KIFAP3: variants seen among roughly 807,000 people sequenced by gnomAD.
KIFAP3 encodes the protein kinesin associated protein 3.
Under a neutral mutation model 106.5 loss-of-function variants are expected in KIFAP3, and 68 were observed. That is an observed-to-expected ratio of 0.64 (90% CI 0.53 to 0.78). The LOEUF is 0.78. Among genes scored for constraint, KIFAP3 ranks in the 30% least tolerant of loss-of-function variants. The pLI is 0.00. For synonymous variants in KIFAP3, 320 were observed against 311.5 expected, an observed-to-expected ratio of 1.03 and a Z score of -0.29; for missense variants, 780 against 941.8, an observed-to-expected ratio of 0.83 and a Z score of 2.25.
At position 169,982,930 on chromosome 1, in the gene KIFAP3, G is replaced by T. The variant is rs1049100975; in HGVS notation, c.1507-63C>A. On this transcript the variant is annotated intron_variant, in intron 13 of 19. Coordinates refer to ENST00000361580, the MANE Select transcript of KIFAP3 (RefSeq NM_014970.4). ...TTTTTATTTAATCTAATAACCCACAGGAATCTAACAATTTAACTCATTGAA... is the reference window on the plus strand; with the variant it reads ...TTTTTATTTAATCTAATAACCCACATGAATCTAACAATTTAACTCATTGAA... 1.7e-4 allele frequency: 153 copies of T among 895,100 alleles called. No homozygotes were observed. In the East Asian group the frequency reaches 5.0e-3, roughly 29 times the overall value. The allele number at this position is 895,100 out of a possible 1,614,324, so 55.4% of individuals were successfully genotyped here. A position where few individuals can be genotyped will look rare whatever the true frequency, so the allele number is the denominator to read the frequency against.
chr1:169,990,434 C>T (rs573619124), intron 11 of KIFAP3, among the ~76,000 whole-genome samples: 2 of 151,706 alleles, frequency 1.3e-5, no homozygotes, highest in South Asian at 4.2e-4. Context: ...GCAAAGATAG[C>T]ATTGGAATAA....
At chr1:170,069,534 C>T (rs968948175) in intron 1 of KIFAP3, among the ~76,000 whole-genome samples, 2 of 151,976 alleles carry the variant, frequency 1.3e-5, no homozygotes, top group African/African-American at 4.8e-5. Flanking sequence ...CAATACAATA[C>T]ACCACATTAA....
At chr1:169,922,543 T>C (rs942553953) in intron 19 of KIFAP3, among the ~76,000 whole-genome samples, 2 of 152,238 alleles carry the variant, frequency 1.3e-5, no homozygotes, top group South Asian at 2.1e-4. Flanking sequence ...TTAAAAAAAT[T>C]ACTTGTTGGT....
chr1:170,062,501 T>C (rs1671231762), intron 1 of KIFAP3, among the ~76,000 whole-genome samples: 1 of 152,200 alleles, frequency 6.6e-6, no homozygotes, highest in African/African-American at 2.4e-5. Flanking sequence ...TAAACTCTAC[T>C]CCTACCTTAC....
intron 10 of KIFAP3, among the ~76,000 whole-genome samples, chr1:170,007,991 C>T (rs146140305): frequency 6.6e-6 from 1 of 152,124 alleles, no homozygotes; most frequent in African/African-American, 2.4e-5. Context: ...TGATCTTTGA[C>T]AAACCTGACA....
Position 170,006,778 on chromosome 1 carries a change from T to C in KIFAP3, c.1183+9684A>G, listed in dbSNP as rs1482174427. Among the ~76,000 whole-genome samples the C allele has an allele frequency of 2.0e-5, 3 of 152,116 alleles. No homozygotes were observed. In the East Asian group the frequency reaches 5.8e-4, roughly 29 times the overall value. On this transcript the variant is annotated intron_variant, in intron 10 of 19. Transcript: ENST00000361580. ...GAACCTGTTAAATCTCAGATGCTAA[T>C]AAGGCATCCAAGGAGTAATATCTGG... is the stretch of plus-strand genomic sequence containing the variant.
At chr1:170,002,463 T>C (rs1388435760) in intron 10 of KIFAP3, among the ~76,000 whole-genome samples, 6 of 152,196 alleles carry the variant, frequency 3.9e-5, no homozygotes, top group Non-Finnish European at 1.5e-5. Context: ...TGATGTGCTA[T>C]TGAATTTAGG....
chr1:169,976,505 T>C (rs1666227075), intron 16 of KIFAP3, among the ~76,000 whole-genome samples: 1 of 152,176 alleles, frequency 6.6e-6, no homozygotes, highest in Admixed American at 6.6e-5. Flanking sequence ...TTTATTCCAA[T>C]TATTTTAACA....
rs779566227 is a variant in KIFAP3 at position 169,961,094 on chromosome 1, T to C, written c.2125A>G (p.Ile709Val). The C allele has an allele frequency of 5.6e-6, 9 of 1,613,552 alleles. No homozygotes were observed. The highest frequency in any genetic ancestry group is 5.9e-6 in the Non-Finnish European group (7 of 1,179,654). Residue 709 changes from isoleucine (I) to valine (V), a missense_variant, in exon 18 of 20, where the codon ATT becomes GTT. By Grantham distance (29) the Ile-to-Val change is conservative. Around this residue, in one of 3 missense-constraint regions of KIFAP3, gnomAD observed 114 missense variants for 122.3 expected, o/e 0.93. Coordinates refer to ENST00000361580, the MANE Select transcript of KIFAP3 (RefSeq NM_014970.4). ...CTTTCGAGAATATCTCCTTCATGAA[T>C]GTATGGCTCAATTCGATCATCACCA... Reference protein sequence around the residue: ...LYGDDRIEPYIHEGDILERPD... With the variant: ...LYGDDRIEPYVHEGDILERPD...
At chr1:169,927,915 G>C (rs929407614) in intron 19 of KIFAP3, among the ~76,000 whole-genome samples, 4 of 151,904 alleles carry the variant, frequency 2.6e-5, no homozygotes, top group Admixed American at 6.6e-5. Flanking sequence ...TGCTAAGAAA[G>C]AGAATGACCA....
intron 9 of KIFAP3, among the ~76,000 whole-genome samples, chr1:170,017,624 T>C (rs1317267820): frequency 6.6e-6 from 1 of 152,190 alleles, no homozygotes; most frequent in Non-Finnish European, 1.5e-5. Context: ...TTTAATGCTG[T>C]ACTAAGAAGT....
At chr1:169,948,644 A>G (rs1664571347) in intron 19 of KIFAP3, among the ~76,000 whole-genome samples, 1 of 152,002 alleles carries the variant, frequency 6.6e-6, no homozygotes, top group South Asian at 2.1e-4. Context: ...AAGATCATTG[A>G]ACTTAAATTA....
At chr1:169,944,566 T>G (rs1322481408) in intron 19 of KIFAP3, among the ~76,000 whole-genome samples, 1 of 152,148 alleles carries the variant, frequency 6.6e-6, no homozygotes, top group African/African-American at 2.4e-5. Context: ...CTTTGAGTCC[T>G]GCCATTCAGG....
At chr1:170,021,795 G>C (rs1668843114) in intron 9 of KIFAP3, among the ~76,000 whole-genome samples, 1 of 151,898 alleles carries the variant, frequency 6.6e-6, no homozygotes, top group Admixed American at 6.6e-5. Context: ...TGTGCAATTA[G>C]TCAATCAGAT....
chr1:169,971,815 A>G (rs1665936389), intron 17 of KIFAP3, among the ~76,000 whole-genome samples: 1 of 152,056 alleles, frequency 6.6e-6, no homozygotes, highest in African/African-American at 2.4e-5. Context: ...AAAAGAAAGC[A>G]ACGTGGTTGT....
At chr1:170,033,281 T>A (rs1414987544) in intron 7 of KIFAP3, among the ~76,000 whole-genome samples, 1 of 151,766 alleles carries the variant, frequency 6.6e-6, no homozygotes, top group Non-Finnish European at 1.5e-5. Context: ...CTGAGAGATT[T>A]TGTACACAAT....
intron 18 of KIFAP3, among the ~76,000 whole-genome samples, chr1:169,955,306 C>T (rs1317411820): frequency 6.6e-6 from 1 of 152,072 alleles, no homozygotes; most frequent in Non-Finnish European, 1.5e-5. Flanking sequence ...AATACATAAC[C>T]TCTGTTTTTA....
intron 19 of KIFAP3, among the ~76,000 whole-genome samples, chr1:169,927,706 G>C (rs763907913): frequency 5.9e-5 from 9 of 152,178 alleles, no homozygotes; most frequent in Non-Finnish European, 1.3e-4. Flanking sequence ...AAGAGAGACA[G>C]AATTCCTGAT....
intron 8 of KIFAP3, among the ~76,000 whole-genome samples, chr1:170,026,611 A>C (rs954767299): frequency 6.6e-6 from 1 of 152,196 alleles, no homozygotes; most frequent in Non-Finnish European, 1.5e-5. Context: ...AAGAAGAAAG[A>C]GCTGAGCAGA....
Sources: allele counts gnomAD v4.1 joint callset (sites outside exome capture counted in the v4.1 genomes callset), GRCh38; gene constraint gnomAD v4.1.1; regional missense constraint gnomAD v4.1.1; transcripts MANE v1.5; gene names NCBI Gene and HGNC (gene_info 2026-07-23, HGNC 2026-07-21).